The following QTMAN variants were observed in gnomAD, a reference collection of about 807,000 sequenced individuals.
The protein encoded by QTMAN is queuosine-tRNA mannosyltransferase.
chr2:144,013,877 T>C, the QTMAN span, among the ~76,000 whole-genome samples: 3 of 152,120 alleles, frequency 2.0e-5, no homozygotes, highest in Admixed American at 6.6e-5. Context: ...ATATCAAAGA[T>C]AATTAAAAAA....
chr2:144,017,686 T>C, the QTMAN span, among the ~76,000 whole-genome samples: 1 of 152,220 alleles, frequency 6.6e-6, no homozygotes, highest in African/African-American at 2.4e-5. Flanking sequence ...TGTTTCCATG[T>C]TGCTTGGCAC....
the QTMAN span, among the ~76,000 whole-genome samples, chr2:144,326,375 C>A: frequency 6.6e-6 from 1 of 151,990 alleles, no homozygotes; most frequent in Non-Finnish European, 1.5e-5. Flanking sequence ...ATCATGAGGT[C>A]AGTAGATTGA....
chr2:143,993,704 T>C, the QTMAN span, among the ~76,000 whole-genome samples: 1 of 152,192 alleles, frequency 6.6e-6, no homozygotes, highest in African/African-American at 2.4e-5. Flanking sequence ...TTCTGACTTC[T>C]GGCCTCCAGA....
At chr2:144,221,075 C>G in the QTMAN span, among the ~76,000 whole-genome samples, 1 of 152,130 alleles carries the variant, frequency 6.6e-6, no homozygotes, top group Non-Finnish European at 1.5e-5. Context: ...ACCATCTGTA[C>G]AGTAGATGCA....
At chr2:144,284,158 GT>G in the QTMAN span, among the ~76,000 whole-genome samples, 8,684 of 151,912 alleles carry the variant, frequency 0.057, 365 homozygotes, top group South Asian at 0.16. Flanking sequence ...ATATAAAATG[GT>G]AATACTTTGT....
chr2:144,102,916 A>G, the QTMAN span, among the ~76,000 whole-genome samples: 1 of 152,212 alleles, frequency 6.6e-6, no homozygotes, highest in Non-Finnish European at 1.5e-5. Flanking sequence ...AAGGAAAACC[A>G]TGAGGGGAGT....
the QTMAN span, among the ~76,000 whole-genome samples, chr2:144,236,776 T>C: frequency 6.6e-6 from 1 of 151,896 alleles, no homozygotes; most frequent in Non-Finnish European, 1.5e-5. Context: ...AGAGTCAGAA[T>C]AGGCTACATC....
At chr2:144,032,515 G>T in the QTMAN span, among the ~76,000 whole-genome samples, 2 of 152,172 alleles carry the variant, frequency 1.3e-5, no homozygotes, top group Admixed American at 6.5e-5. Context: ...CATAGTATCC[G>T]TCTTGCATAT....
At chr2:144,136,395 A>AAAAGGAAAGGAAAGG in the QTMAN span, among the ~76,000 whole-genome samples, 22,359 of 97,084 alleles carry the variant, frequency 0.23, 3,245 homozygotes, top group Non-Finnish European at 0.27. Context: ...AAGGAAAAGG[A>AAAAGGAAAGGAAAGG]AAAGGAAAGG....
At chr2:144,078,411 CACAA>C in the QTMAN span, among the ~76,000 whole-genome samples, 1 of 152,204 alleles carries the variant, frequency 6.6e-6, no homozygotes, top group Non-Finnish European at 1.5e-5. Flanking sequence ...GAGAGACACA[CACAA>C]ACAGACTTGC....
At chr2:144,029,477 C>A in the QTMAN span, among the ~76,000 whole-genome samples, 1 of 152,188 alleles carries the variant, frequency 6.6e-6, no homozygotes, top group South Asian at 2.1e-4. Context: ...ACAATGATGA[C>A]AACCACTACC....
the QTMAN span, among the ~76,000 whole-genome samples, chr2:144,066,775 C>T: frequency 1.3e-5 from 2 of 152,204 alleles, no homozygotes; most frequent in African/African-American, 4.8e-5. Flanking sequence ...GAGATCTCGC[C>T]ACTGCACTCC....
the QTMAN span, among the ~76,000 whole-genome samples, chr2:144,135,784 CAGTATTAAAA>C: frequency 6.6e-6 from 1 of 152,096 alleles, no homozygotes; most frequent in Non-Finnish European, 1.5e-5. Context: ...GGTTCTAAAA[CAGTATTAAAA>C]AGTATCTGGT....
the QTMAN span, among the ~76,000 whole-genome samples, chr2:144,302,863 G>A: frequency 6.6e-6 from 1 of 152,104 alleles, no homozygotes; most frequent in Non-Finnish European, 1.5e-5. Context: ...CACTTTGGGA[G>A]GCCGAGGCGG....
the QTMAN span, chr2:143,944,398 A>G: frequency 1.3e-5 from 2 of 152,160 alleles, no homozygotes; most frequent in African/African-American, 4.8e-5. Context: ...CATGCAAATA[A>G]GTGACACCTT....
chr2:144,187,273 G>A, the QTMAN span, among the ~76,000 whole-genome samples: 1 of 152,204 alleles, frequency 6.6e-6, no homozygotes. Context: ...CTGGCTTCTG[G>A]TGACATAACA....
the QTMAN span, among the ~76,000 whole-genome samples, chr2:143,996,437 G>A: frequency 1.3e-5 from 2 of 152,102 alleles, no homozygotes; most frequent in African/African-American, 4.8e-5. Context: ...AATTTGGGGG[G>A]ATAGCTAACA....
the QTMAN span, among the ~76,000 whole-genome samples, chr2:144,260,611 G>A: frequency 2.6e-5 from 4 of 151,852 alleles, no homozygotes; most frequent in Middle Eastern, 6.8e-3. Flanking sequence ...TATTCAATCA[G>A]TAACTAATGC....
At chr2:144,011,629 T>C in the QTMAN span, 7 of 977,356 alleles carry the variant, frequency 7.2e-6, no homozygotes, top group African/African-American at 1.2e-4. Flanking sequence ...CAATAAACTG[T>C]TCTATGCTAG....
Sources: gnomAD v4.1 joint callset for allele counts (sites outside exome capture counted in the v4.1 genomes callset) on GRCh38, gnomAD v4.1.1 for gene constraint, MANE v1.5 for transcripts, NCBI Gene and HGNC (gene_info 2026-07-23, HGNC 2026-07-21) for gene names.